NPAS3: variants seen among roughly 807,000 people sequenced by gnomAD.
NPAS3 encodes neuronal PAS domain-containing protein 3.
A neutral mutation model predicts 73.1 loss-of-function variants in NPAS3; 14 were observed. The ratio of observed to expected loss-of-function variants is 0.19; its 90% CI spans 0.13 to 0.30. The LOEUF is 0.30. NPAS3 is among the 10% of genes least tolerant of loss of function. The pLI is 1.00. For missense variants in NPAS3, 1,096 were observed against 1,250.0 expected (o/e 0.88, Z 1.86); for synonymous variants, 620 against 541.5 (o/e 1.14, Z -2.01).
intron 2 of NPAS3, among the ~76,000 whole-genome samples, chr14:33,134,716 G>C (rs2043770392): frequency 6.6e-6 from 1 of 152,148 alleles, no homozygotes; most frequent in Non-Finnish European, 1.5e-5. Context: ...TTTTGAATTA[G>C]AAGTTACTGT....
At chr14:33,508,783 G>A (rs1196275667) in intron 4 of NPAS3, among the ~76,000 whole-genome samples, 1 of 151,996 alleles carries the variant, frequency 6.6e-6, no homozygotes, top group African/African-American at 2.4e-5. Context: ...TCCCTTAACT[G>A]TGGTATAGCT....
At chr14:33,382,054 C>G (rs897340013) in intron 4 of NPAS3, among the ~76,000 whole-genome samples, 57 of 152,074 alleles carry the variant, frequency 3.7e-4, no homozygotes, top group African/African-American at 1.3e-3. Flanking sequence ...TCTCATGCAG[C>G]TATGTTTGGG....
intron 2 of NPAS3, among the ~76,000 whole-genome samples, chr14:33,174,332 T>G (rs2045508892): frequency 6.6e-6 from 1 of 152,214 alleles, no homozygotes; most frequent in Non-Finnish European, 1.5e-5. Flanking sequence ...TATCTCACAT[T>G]ACAGGTGGAA....
rs192237946 is a variant in NPAS3, at chr14:33,544,951, A to G, written c.469-15170A>G. Among the ~76,000 whole-genome samples the G allele has an allele frequency of 7.8e-4, 116 of 149,558 alleles. No individual in the cohort carries two copies. In the East Asian group the frequency reaches 0.02, roughly 26 times the overall value. On this transcript the variant is annotated intron_variant, in intron 4 of 11. Transcript: ENST00000356141. ...TTATTTTAAAATGGTCATGCTTATA[A>G]AAATCATTTTTCTCCTATGTCTCTG...
At chr14:33,556,111 G>A (rs577441099) in intron 4 of NPAS3, among the ~76,000 whole-genome samples, 8 of 152,218 alleles carry the variant, frequency 5.3e-5, no homozygotes, top group South Asian at 2.1e-4. Context: ...TTCTTAGATC[G>A]CTACTGCTTA....
rs1434399536 is a variant in NPAS3, at chr14:33,290,525, C to T, written c.385+75099C>T. ...TAAATGGACATGTGCTTAATGCCAG[C>T]AGGCAGCTGTGTGGGTGAGTTAACA... On this transcript the variant is annotated intron_variant, in intron 3 of 11. Coordinates refer to ENST00000356141, the Ensembl canonical transcript of NPAS3. Among the ~76,000 whole-genome samples, 3 of 152,306 alleles carry T rather than the reference C, an allele frequency of 2.0e-5. No individual in the cohort carries two copies. The South Asian group carries it at 6.2e-4, about 32-fold the overall frequency.
At chr14:33,505,702 G>A (rs1009295038) in intron 4 of NPAS3, among the ~76,000 whole-genome samples, 47 of 151,912 alleles carry the variant, frequency 3.1e-4, no homozygotes, top group African/African-American at 1.1e-3. Flanking sequence ...TTCCAAATTA[G>A]GGAAATTATT....
chr14:33,352,869 C>G (rs2045137140), intron 3 of NPAS3, among the ~76,000 whole-genome samples: 1 of 152,094 alleles, frequency 6.6e-6, no homozygotes, highest in South Asian at 2.1e-4. Flanking sequence ...AAAATAGTGA[C>G]TTAACAGCAA....
chr14:33,640,933 T>G (rs994077581), intron 5 of NPAS3, among the ~76,000 whole-genome samples: 1 of 152,222 alleles, frequency 6.6e-6, no homozygotes, highest in Non-Finnish European at 1.5e-5. Flanking sequence ...ATTTTGTTAA[T>G]AAATATGTAT....
chr14:33,187,039 G>A (rs934283701), intron 2 of NPAS3, among the ~76,000 whole-genome samples: 1 of 152,120 alleles, frequency 6.6e-6, no homozygotes, highest in Non-Finnish European at 1.5e-5. Context: ...CCAGCATCCT[G>A]GATTTCCTTA....
At chr14:32,958,193 T>C (rs148806959) in intron 1 of NPAS3, among the ~76,000 whole-genome samples, 4 of 152,212 alleles carry the variant, frequency 2.6e-5, no homozygotes, top group East Asian at 3.9e-4. Context: ...TTTCATCTTA[T>C]ATATTATTTA....
intron 1 of NPAS3, among the ~76,000 whole-genome samples, chr14:32,944,536 G>T (rs1222732433): frequency 1.3e-5 from 2 of 152,156 alleles, no homozygotes; most frequent in African/African-American, 4.8e-5. Context: ...GGTGATGTTA[G>T]TATTTTCCCA....
chr14:33,050,140 A>G (rs1189357373), intron 1 of NPAS3, among the ~76,000 whole-genome samples: 2 of 152,150 alleles, frequency 1.3e-5, no homozygotes, highest in Non-Finnish European at 2.9e-5. Context: ...CCAATCATCA[A>G]TTTGGTGCTT....
chr14:33,112,943 T>C (rs576357361), intron 2 of NPAS3, among the ~76,000 whole-genome samples: 60 of 152,328 alleles, frequency 3.9e-4, no homozygotes, highest in Non-Finnish European at 7.3e-4. Context: ...CCAGTTTTTG[T>C]TTTTGTCAGG....
intron 3 of NPAS3, among the ~76,000 whole-genome samples, chr14:33,250,664 T>C (rs1370858600): frequency 6.6e-6 from 1 of 152,152 alleles, no homozygotes; most frequent in African/African-American, 2.4e-5. Flanking sequence ...ACATTCAAAA[T>C]TGGTAATTAT....
At chr14:33,442,146 G>T (rs1008734565) in intron 4 of NPAS3, among the ~76,000 whole-genome samples, 1 of 152,196 alleles carries the variant, frequency 6.6e-6, no homozygotes, top group Non-Finnish European at 1.5e-5. Flanking sequence ...AGACTGGGGG[G>T]AGGACTAAAT....
chr14:33,191,706 T>C (rs2046176907), intron 2 of NPAS3, among the ~76,000 whole-genome samples: 1 of 152,234 alleles, frequency 6.6e-6, no homozygotes, highest in Non-Finnish European at 1.5e-5. Context: ...AATACTGAAT[T>C]AAAATTATTC....
chr14:33,552,170 CAGAA>C (rs1354094708), intron 4 of NPAS3, among the ~76,000 whole-genome samples: 1 of 152,094 alleles, frequency 6.6e-6, no homozygotes, highest in African/African-American at 2.4e-5. Flanking sequence ...GCTTTCTAAA[CAGAA>C]AGAGCATGAG....
At chr14:33,562,286 C>T (rs1453622797) in intron 5 of NPAS3, among the ~76,000 whole-genome samples, 1 of 152,138 alleles carries the variant, frequency 6.6e-6, no homozygotes, top group East Asian at 1.9e-4. Context: ...AGACATGGTA[C>T]AGTATCTGGC....
Sources: gnomAD v4.1 joint callset for allele counts (sites outside exome capture counted in the v4.1 genomes callset) on GRCh38, gnomAD v4.1.1 for gene constraint, MANE v1.5 for transcripts, NCBI Gene and HGNC (gene_info 2026-07-23, HGNC 2026-07-21) for gene names.